Variants in LUC7L2 observed in about 807,000 individuals in gnomAD.
The protein encoded by LUC7L2 is putative RNA-binding protein Luc7-like 2.
Under a neutral mutation model 52.8 loss-of-function variants are expected in LUC7L2, and 25 were observed. The ratio of observed to expected loss-of-function variants is 0.47; its 90% CI spans 0.34 to 0.66. The LOEUF is 0.66. LUC7L2 is among the 30% of genes least tolerant of loss of function. The pLI is 0.01. For missense variants in LUC7L2, 328 were observed against 497.8 expected, an observed-to-expected ratio of 0.66 and a Z score of 3.25; for synonymous variants, 144 against 160.9, an observed-to-expected ratio of 0.89 and a Z score of 0.80.
chr7:139,340,638 G>A, intron 1 of LUC7L2: 1 of 396,832 alleles, frequency 2.5e-6, no homozygotes, highest in East Asian at 3.6e-5. Context: ...AAAATGAAGT[G>A]ACGATGACGT....
At chr7:139,413,635 G>A (rs1198691292) in intron 8 of LUC7L2, among the ~76,000 whole-genome samples, 3 of 152,100 alleles carry the variant, frequency 2.0e-5, no homozygotes, top group African/African-American at 7.2e-5. Context: ...AAAATTAGCC[G>A]GGTGTGGTGG....
chr7:139,399,214 T>C (rs1402377561), intron 3 of LUC7L2, among the ~76,000 whole-genome samples: 1 of 152,080 alleles, frequency 6.6e-6, no homozygotes, highest in Non-Finnish European at 1.5e-5. Flanking sequence ...TTTGTTCTTG[T>C]TATTATTCCC....
At position 139,419,125 on chromosome 7, in the gene LUC7L2, AC is replaced by A. The variant is rs1795764230; in HGVS notation, c.1001+1397del. On this transcript the variant is annotated intron_variant, in intron 9 of 9. Transcript: ENST00000354926. ...ACTCCAGCTCTCAAAACAAAAAAAA[AC>A]AAACAAAAAAAAAAACAAAAAGTCT... Among the ~76,000 whole-genome samples, 6 of 120,360 alleles carry A rather than the reference AC, an allele frequency of 5.0e-5. 1 individual carries two copies. The South Asian group carries it at 1.4e-3, about 28-fold the overall frequency. 79.0% of individuals were successfully genotyped at this position (120,360 alleles called of 152,430 possible).
intron 1 of LUC7L2, among the ~76,000 whole-genome samples, chr7:139,352,693 T>A (rs1799492692): frequency 6.6e-6 from 1 of 152,200 alleles, no homozygotes; most frequent in Non-Finnish European, 1.5e-5. Flanking sequence ...CTATAAAGTA[T>A]TGAGTTCCTT....
At chr7:139,391,413 A>G (rs892017817) in intron 2 of LUC7L2, among the ~76,000 whole-genome samples, 1 of 152,192 alleles carries the variant, frequency 6.6e-6, no homozygotes, top group Non-Finnish European at 1.5e-5. Context: ...ACTATGCCAA[A>G]TTCTATCGTT....
At chr7:139,374,004 TTAA>T (rs1476877746) in intron 1 of LUC7L2, among the ~76,000 whole-genome samples, 1 of 152,250 alleles carries the variant, frequency 6.6e-6, no homozygotes, top group East Asian at 1.9e-4. Flanking sequence ...AATTTTTTTC[TTAA>T]ATGGTAGGAA....
At chr7:139,400,284 G>A (rs554748473) in intron 3 of LUC7L2, among the ~76,000 whole-genome samples, 59 of 152,142 alleles carry the variant, frequency 3.9e-4, no homozygotes, top group Admixed American at 1.2e-3. Flanking sequence ...AGGCAGGGGT[G>A]GATCACCTAA....
At chr7:139,395,845 C>G (rs942484458) in intron 2 of LUC7L2, among the ~76,000 whole-genome samples, 59 of 152,108 alleles carry the variant, frequency 3.9e-4, no homozygotes, top group African/African-American at 1.3e-3. Context: ...ACGGGGTTTT[C>G]TTATGTTACC....
In LUC7L2 at chr7:139,360,339, G is replaced by A; in HGVS notation, c.61+17G>A. 1.3e-6 allele frequency: 2 copies of A among 1,555,042 alleles called. No individual in the cohort carries two copies. The highest frequency in any genetic ancestry group is 1.7e-6 in the Non-Finnish European group (2 of 1,150,300). ...CCCGGGACGGTAAGTCTCTGCCAGG[G>A]CCCTGGGGGTGGGGGAGGGGACGGG... On this transcript the variant is annotated intron_variant, in intron 1 of 9. Transcript: ENST00000354926.
At chr7:139,368,659 A>G (rs1203716019) in intron 1 of LUC7L2, among the ~76,000 whole-genome samples, 1 of 149,674 alleles carries the variant, frequency 6.7e-6, no homozygotes. Flanking sequence ...AATTGTTTGA[A>G]CCCAGGAGAC....
At position 139,398,626 on chromosome 7, in the gene LUC7L2, G is replaced by A; in HGVS notation, c.184G>A (p.Val62Ile). The change falls in exon 3 of 10, where the codon GTC (valine) becomes ATC (isoleucine). Residue 62 changes from valine to isoleucine, a missense_variant. This residue lies in a region of LUC7L2 where 133 missense variants were observed against 274.4 expected (regional missense o/e 0.48). Transcript: ENST00000354926. ...AATGGATCTTGGAGAATGTCTGAAA[G>A]TCCATGACCTGGCTTTAAGAGCGGA... ...TRMDLGECLKVHDLALRADYE... is the reference protein window; with the variant it reads ...TRMDLGECLKIHDLALRADYE... 1.2e-6 allele frequency: 2 copies of A among 1,612,476 alleles called. No individual in the cohort carries two copies. The highest frequency in any genetic ancestry group is 1.7e-6 in the Non-Finnish European group (2 of 1,179,460).
intron 1 of LUC7L2, among the ~76,000 whole-genome samples, chr7:139,365,906 G>C (rs1800128870): frequency 6.6e-6 from 1 of 152,182 alleles, no homozygotes; most frequent in African/African-American, 2.4e-5. Flanking sequence ...TTTCCTTTTT[G>C]TTTAGGTTCT....
chr7:139,406,814 G>C (rs1795134434), intron 5 of LUC7L2, among the ~76,000 whole-genome samples: 1 of 151,782 alleles, frequency 6.6e-6, no homozygotes, highest in South Asian at 2.1e-4. Flanking sequence ...AATCTAGCTG[G>C]TCAGTTTTAT....
intron 3 of LUC7L2, among the ~76,000 whole-genome samples, chr7:139,399,160 A>G (rs1231253264): frequency 2.0e-5 from 3 of 152,100 alleles, no homozygotes; most frequent in Non-Finnish European, 2.9e-5. Context: ...AATATTTAGC[A>G]GAAGAAATGG....
intron 1 of LUC7L2, among the ~76,000 whole-genome samples, chr7:139,349,204 A>G (rs1311553695): frequency 2.0e-5 from 3 of 152,208 alleles, no homozygotes; most frequent in Non-Finnish European, 2.9e-5. Context: ...CATGGTGCAT[A>G]ATGAGTGTTC....
chr7:139,340,547 T>C, intron 1 of LUC7L2: 1 of 398,362 alleles, frequency 2.5e-6, no homozygotes, highest in Non-Finnish European at 4.4e-6. Flanking sequence ...GATGTGGACT[T>C]TTGTTCTCTA....
At chr7:139,357,633 T>C (rs920949154), upstream of LUC7L2, among the ~76,000 whole-genome samples, 1 of 152,080 alleles carries the variant, frequency 6.6e-6, no homozygotes, top group African/African-American at 2.4e-5. Context: ...GAATTCAGAG[T>C]TCTCTGAATA....
intron 1 of LUC7L2, among the ~76,000 whole-genome samples, chr7:139,372,603 A>G (rs965231351): frequency 1.3e-5 from 2 of 151,946 alleles, no homozygotes; most frequent in African/African-American, 4.8e-5. Context: ...CACACATTTG[A>G]TACTTGGATC....
At chr7:139,389,898 A>C (rs1794356620) in intron 2 of LUC7L2, among the ~76,000 whole-genome samples, 1 of 152,206 alleles carries the variant, frequency 6.6e-6, no homozygotes, top group Non-Finnish European at 1.5e-5. Flanking sequence ...TCTGAACAGC[A>C]ATCCTGAAGT....
Sources: gnomAD v4.1 joint callset for allele counts (sites outside exome capture counted in the v4.1 genomes callset) on GRCh38, gnomAD v4.1.1 for gene constraint, gnomAD v4.1.1 regional missense constraint, MANE v1.5 for transcripts, NCBI Gene and HGNC (gene_info 2026-07-23, HGNC 2026-07-21) for gene names.